CXADR: variants seen among roughly 807,000 people sequenced by gnomAD.
CXADR encodes the protein coxsackievirus and adenovirus receptor.
A neutral mutation model predicts 40.3 loss-of-function variants in CXADR; 20 were observed. The ratio of observed to expected loss-of-function variants is 0.50; its 90% CI spans 0.35 to 0.72. The LOEUF (loss-of-function observed/expected upper bound fraction) is 0.72. Ranked by LOEUF, CXADR falls within the 30% of genes least tolerant of loss-of-function variation. The pLI is 0.01. For synonymous variants in CXADR, 150 were observed against 161.3 expected, an observed-to-expected ratio of 0.93 and a Z score of 0.53; for missense variants, 332 against 449.1, an observed-to-expected ratio of 0.74 and a Z score of 2.36.
chr21:17,560,758 T>TA lies in CXADR; in HGVS notation c.629dup (p.Tyr210Ter). ...TGCCTCTTCTGAGTACTCTGGGACA[T>TA]ACAGCTGTACAGTCAGAAACAGAGT... ...KNASSEYSGTYSCTVRNRVGS... is the reference protein window; with the variant it reads ...KNASSEYSGT The change falls in exon 5 of 7, where the codon TAC becomes TAAC. Residue 210 changes from tyrosine (Y) to a stop codon, truncating the protein, a stop_gained and frameshift_variant. Transcript: ENST00000284878. LOFTEE classifies it high-confidence loss of function. The TA allele has an allele frequency of 6.2e-7, 1 of 1,614,004 alleles. No individual in the cohort carries two copies. Among genetic ancestry groups the TA allele is most frequent in the Non-Finnish European group, 8.5e-7 (1 of 1,179,948 alleles).
At chr21:17,595,643 TCTC>T (rs1315466969), downstream of CXADR, among the ~76,000 whole-genome samples, 3 of 151,922 alleles carry the variant, frequency 2.0e-5, no homozygotes, top group Non-Finnish European at 4.4e-5. Context: ...AATTAAATGG[TCTC>T]CTAGTAATGG....
chr21:17,625,814 A>G, the CXADR span, among the ~76,000 whole-genome samples: 1 of 152,234 alleles, frequency 6.6e-6, no homozygotes, highest in Non-Finnish European at 1.5e-5. Flanking sequence ...CAATCCCCTC[A>G]GAGTTACTAT....
chr21:17,558,419 C>T (rs1323350710), intron 3 of CXADR, among the ~76,000 whole-genome samples: 1 of 152,088 alleles, frequency 6.6e-6, no homozygotes, highest in Non-Finnish European at 1.5e-5. Flanking sequence ...CTATGCCCAG[C>T]CCAGGTTTTC....
intron 1 of CXADR, among the ~76,000 whole-genome samples, chr21:17,539,327 A>G (rs2060798509): frequency 6.6e-6 from 1 of 151,172 alleles, no homozygotes; most frequent in Non-Finnish European, 1.5e-5. Context: ...CTTCCAGCCC[A>G]GCTTTAAAAC....
chr21:17,586,632 C>G (rs1210530677), intron 7 of CXADR, among the ~76,000 whole-genome samples: 2 of 151,510 alleles, frequency 1.3e-5, no homozygotes, highest in Non-Finnish European at 2.9e-5. Flanking sequence ...TACGTGATTT[C>G]TTTAATATAT....
At chr21:17,596,987 C>T (rs2061512655), downstream of CXADR, among the ~76,000 whole-genome samples, 2 of 151,950 alleles carry the variant, frequency 1.3e-5, no homozygotes, top group South Asian at 4.1e-4. Context: ...GTGGCAATGC[C>T]AGATTCAAGA....
At chr21:17,591,037 A>G (rs1569164036) in intron 7 of CXADR, among the ~76,000 whole-genome samples, 1 of 151,976 alleles carries the variant, frequency 6.6e-6, no homozygotes, top group Non-Finnish European at 1.5e-5. Context: ...TCATTAATTT[A>G]CCTTCGCACT....
chr21:17,539,407 C>T (rs905515470), intron 1 of CXADR, among the ~76,000 whole-genome samples: 1 of 152,232 alleles, frequency 6.6e-6, no homozygotes, highest in African/African-American at 2.4e-5. Context: ...ATTACCTAAA[C>T]AGACTTCTTC....
intron 7 of CXADR, among the ~76,000 whole-genome samples, chr21:17,586,742 T>A (rs1301369776): frequency 5.3e-5 from 8 of 152,158 alleles, no homozygotes; most frequent in Non-Finnish European, 8.8e-5. Context: ...TTTAAAATTT[T>A]TTATTATTAT....
chr21:17,527,606 A>T (rs2060612749), intron 1 of CXADR, among the ~76,000 whole-genome samples: 1 of 152,150 alleles, frequency 6.6e-6, no homozygotes, highest in Non-Finnish European at 1.5e-5. Context: ...CAGCTATGGT[A>T]CCAGGCAGAG....
At position 17,569,965 on chromosome 21, in the gene CXADR, T is replaced by G; in HGVS notation, c.*4273T>G. On this transcript the variant is annotated 3_prime_UTR_variant, in exon 7 of 7. Transcript: ENST00000284878. ...AGAACTGACAGTGTCAGTTTCAGAT[T>G]TTGTATGTACGATTTCTGGCTTATA... The G allele has an allele frequency of 2.0e-6, 2 of 985,432 alleles. No individual in the cohort carries two copies. The highest frequency in any genetic ancestry group is 2.4e-6 in the Non-Finnish European group (2 of 829,924). 61.0% of individuals were successfully genotyped at this position (985,432 alleles called of 1,614,324 possible). A position where few individuals can be genotyped will look rare whatever the true frequency, so the allele number is the denominator to read the frequency against.
At chr21:17,605,943 G>A in the CXADR span, among the ~76,000 whole-genome samples, 1 of 152,066 alleles carries the variant, frequency 6.6e-6, no homozygotes, top group Admixed American at 6.6e-5. Context: ...GTTAATTGAT[G>A]AATAGTAATT....
intron 3 of CXADR, among the ~76,000 whole-genome samples, chr21:17,554,567 A>G (rs211978): frequency 0.61 from 92,386 of 151,880 alleles, 31,343 homozygotes; most frequent in Non-Finnish European, 0.77. Flanking sequence ...GACGACTGGA[A>G]CTCTGATCTG....
intron 3 of CXADR, among the ~76,000 whole-genome samples, chr21:17,553,554 A>G (rs994684889): frequency 6.6e-6 from 1 of 151,612 alleles, no homozygotes; most frequent in African/African-American, 2.4e-5. Flanking sequence ...GTAAACATGG[A>G]GTAACTTTTC....
At chr21:17,514,904 G>T (rs1299372254) in intron 1 of CXADR, among the ~76,000 whole-genome samples, 1 of 151,962 alleles carries the variant, frequency 6.6e-6, no homozygotes, top group African/African-American at 2.4e-5. Context: ...GATTACAAGC[G>T]TGAGCCACCA....
At chr21:17,592,410 T>C (rs2123411383) in intron 7 of CXADR, among the ~76,000 whole-genome samples, 1 of 152,016 alleles carries the variant, frequency 6.6e-6, no homozygotes, top group East Asian at 1.9e-4. Flanking sequence ...TTTTTTTAAT[T>C]TTTGAGTATT....
At chr21:17,557,863 G>A (rs554709563) in intron 3 of CXADR, among the ~76,000 whole-genome samples, 4 of 152,272 alleles carry the variant, frequency 2.6e-5, no homozygotes, top group African/African-American at 9.6e-5. Flanking sequence ...GAGGGTTGGA[G>A]TGGTGCTTAA....
chr21:17,623,160 T>C, the CXADR span, among the ~76,000 whole-genome samples: 1 of 152,106 alleles, frequency 6.6e-6, no homozygotes, highest in Non-Finnish European at 1.5e-5. Context: ...AGGCTGTTCC[T>C]GAACTCCTGG....
chr21:17,599,495 G>C, the CXADR span, among the ~76,000 whole-genome samples: 1 of 40,872 alleles, frequency 2.4e-5, no homozygotes, highest in Admixed American at 2.4e-4. Context: ...TTTTTTTTTT[G>C]AGACGGAGTC....
Sources: allele counts gnomAD v4.1 joint callset (sites outside exome capture counted in the v4.1 genomes callset), GRCh38; gene constraint gnomAD v4.1.1; transcripts MANE v1.5; gene names NCBI Gene and HGNC (gene_info 2026-07-23, HGNC 2026-07-21).